The following HMG20A variants were observed in gnomAD, a reference collection of about 807,000 sequenced individuals.
HMG20A encodes the protein high mobility group 20A.
A neutral mutation model predicts 43.9 loss-of-function variants in HMG20A; 17 were observed. The observed-to-expected ratio is 0.39, with a 90% CI of 0.27 to 0.58. The LOEUF is 0.58. Ranked by LOEUF, HMG20A falls within the 20% of genes least tolerant of loss-of-function variation. HMG20A has a pLI of 0.59. For synonymous variants in HMG20A, 132 were observed against 147.5 expected, an observed-to-expected ratio of 0.89 and a Z score of 0.76; for missense variants, 341 against 438.2, an observed-to-expected ratio of 0.78 and a Z score of 1.98.
the HMG20A span, among the ~76,000 whole-genome samples, chr15:77,515,453 T>C: frequency 1.3e-5 from 2 of 151,964 alleles, no homozygotes; most frequent in African/African-American, 4.8e-5. Context: ...TGAGACTGGC[T>C]AAGTTTTGTA....
At chr15:77,455,879 A>G (rs1361571173) in intron 1 of HMG20A, among the ~76,000 whole-genome samples, 1 of 152,128 alleles carries the variant, frequency 6.6e-6, no homozygotes, top group East Asian at 1.9e-4. Flanking sequence ...TCCCAGACAT[A>G]TTCTTGGGAA....
the HMG20A span, among the ~76,000 whole-genome samples, chr15:77,501,573 A>AG: frequency 1.3e-5 from 2 of 152,188 alleles, no homozygotes; most frequent in Non-Finnish European, 2.9e-5. Context: ...TCCTTCCTGA[A>AG]GAGACTTGTC....
At chr15:77,504,307 G>T in the HMG20A span, among the ~76,000 whole-genome samples, 1 of 152,186 alleles carries the variant, frequency 6.6e-6, no homozygotes, top group African/African-American at 2.4e-5. Flanking sequence ...TAATGAGCAG[G>T]GCGTTCTTCC....
chr15:77,435,667 T>C (rs1437179770), intron 1 of HMG20A, among the ~76,000 whole-genome samples: 2 of 152,160 alleles, frequency 1.3e-5, no homozygotes, highest in Non-Finnish European at 2.9e-5. Context: ...TATTTTTCTC[T>C]ACATTCCCTA....
intron 1 of HMG20A, among the ~76,000 whole-genome samples, chr15:77,456,813 T>C (rs925985775): frequency 6.6e-6 from 1 of 152,222 alleles, no homozygotes; most frequent in African/African-American, 2.4e-5. Context: ...GGCTTTAATC[T>C]CGCCTTTGTA....
At chr15:77,514,347 G>C in the HMG20A span, among the ~76,000 whole-genome samples, 105 of 152,282 alleles carry the variant, frequency 6.9e-4, no homozygotes, top group African/African-American at 2.4e-3. Context: ...TGAAGGTCAA[G>C]AACAGGCAAA....
chr15:77,469,618 T>C (rs1443136828), intron 4 of HMG20A, among the ~76,000 whole-genome samples: 1 of 152,172 alleles, frequency 6.6e-6, no homozygotes, highest in African/African-American at 2.4e-5. Context: ...ATTACAGATA[T>C]GAGCCACCAT....
At chr15:77,438,137 ATTTTTTT>A (rs34192592) in intron 1 of HMG20A, among the ~76,000 whole-genome samples, 2 of 113,456 alleles carry the variant, frequency 1.8e-5, no homozygotes, top group African/African-American at 3.4e-5. Flanking sequence ...TTTAGTTTTA[ATTTTTTT>A]TTTTTTTTTT....
At chr15:77,432,722 CA>C (rs34459644) in intron 1 of HMG20A, among the ~76,000 whole-genome samples, 10,024 of 77,588 alleles carry the variant, frequency 0.13, 190 homozygotes, top group Admixed American at 0.16. Flanking sequence ...AACTCCGACT[CA>C]AAAAAAAAAA....
chr15:77,451,192 T>G (rs530393846), intron 1 of HMG20A, among the ~76,000 whole-genome samples: 43 of 152,350 alleles, frequency 2.8e-4, no homozygotes, highest in Non-Finnish European at 5.4e-4. Context: ...TGCCCAAGTT[T>G]TGGCAATTAT....
chr15:77,468,563 G>T (rs889638429), intron 4 of HMG20A, among the ~76,000 whole-genome samples: 4 of 148,222 alleles, frequency 2.7e-5, no homozygotes, highest in African/African-American at 7.5e-5. Context: ...ACTTTTGCAT[G>T]CTCAGTCTTT....
chr15:77,486,259 C>CTTT (rs71145843), downstream of HMG20A, among the ~76,000 whole-genome samples: 6 of 128,690 alleles, frequency 4.7e-5, no homozygotes, highest in Non-Finnish European at 9.9e-5. Flanking sequence ...TAAATGCTTG[C>CTTT]TTTTTTTTTT....
At chr15:77,449,174 C>T (rs990522998) in intron 1 of HMG20A, among the ~76,000 whole-genome samples, 1 of 152,040 alleles carries the variant, frequency 6.6e-6, no homozygotes, top group Non-Finnish European at 1.5e-5. Flanking sequence ...AAACACACCC[C>T]TCCTTATACC....
chr15:77,513,045 G>A, the HMG20A span, among the ~76,000 whole-genome samples: 1 of 152,306 alleles, frequency 6.6e-6, no homozygotes, highest in South Asian at 2.1e-4. Flanking sequence ...AGGTGTCAAG[G>A]TCATCAAAGT....
chr15:77,449,651 A>G (rs866060566), intron 1 of HMG20A, among the ~76,000 whole-genome samples: 2 of 152,212 alleles, frequency 1.3e-5, no homozygotes, highest in Non-Finnish European at 2.9e-5. Flanking sequence ...AATGAATGTT[A>G]TATTTTAGAG....
the HMG20A span, among the ~76,000 whole-genome samples, chr15:77,497,508 T>C: frequency 6.6e-6 from 1 of 152,244 alleles, no homozygotes; most frequent in African/African-American, 2.4e-5. Context: ...GCCTCAGAGC[T>C]GGCACAGCCA....
Position 77,467,114 on chromosome 15 carries a change from G to T in HMG20A, c.257G>T (p.Gly86Val). The T allele has an allele frequency of 6.2e-7, 1 of 1,613,756 alleles. No homozygotes were observed. Among genetic ancestry groups the T allele is most frequent in the Non-Finnish European group, 8.5e-7 (1 of 1,179,778 alleles). Reference protein sequence around the residue: ...HEDEQRSKRGGWSKGRKRKKP... With the variant: ...HEDEQRSKRGVWSKGRKRKKP... ...TTGTAGCAACGAAGTAAACGAGGAG[G>T]TTGGTCCAAAGGAAGAAAGAGGAAG... The change falls in exon 4 of 10, where the codon GGT (glycine) becomes GTT (valine). Residue 86 changes from glycine to valine, a missense_variant. By Grantham distance (109) the Gly-to-Val change is moderately radical. This residue lies in a region of HMG20A where 220 missense variants were observed against 263.6 expected (regional missense o/e 0.83). Transcript: ENST00000336216.
chr15:77,505,553 T>C, the HMG20A span, among the ~76,000 whole-genome samples: 2 of 152,220 alleles, frequency 1.3e-5, no homozygotes, highest in Non-Finnish European at 2.9e-5. Flanking sequence ...CACACTGGCT[T>C]CTGCATCCTC....
In HMG20A at chr15:77,484,549, C is replaced by A. The variant is rs955703790; in HGVS notation, c.*1586C>A. The A allele has an allele frequency of 1.3e-5, 2 of 152,392 alleles. No individual in the cohort carries two copies. The highest frequency in any genetic ancestry group is 6.5e-5 in the Admixed American group (1 of 15,282). 9.4% of individuals were successfully genotyped at this position (152,392 alleles called of 1,614,324 possible). A position where few individuals can be genotyped will look rare whatever the true frequency, so the allele number is the denominator to read the frequency against. Reference sequence around the variant, plus strand: ...ACACCATCCTGTCTTCTCAGCATCTCCTTGCCTGTTTTCTTTATTAGTCCA... The same window carrying A: ...ACACCATCCTGTCTTCTCAGCATCTACTTGCCTGTTTTCTTTATTAGTCCA... On this transcript the variant is annotated 3_prime_UTR_variant, in exon 10 of 10. Coordinates refer to ENST00000336216, the MANE Select transcript of HMG20A (RefSeq NM_001304504.2).
Sources: gnomAD v4.1 joint callset for allele counts (sites outside exome capture counted in the v4.1 genomes callset) on GRCh38, gnomAD v4.1.1 for gene constraint, gnomAD v4.1.1 regional missense constraint, MANE v1.5 for transcripts, NCBI Gene and HGNC (gene_info 2026-07-23, HGNC 2026-07-21) for gene names.